Variants in PACSIN2 observed in about 807,000 individuals in gnomAD.
PACSIN2 encodes protein kinase C and casein kinase substrate in neurons protein 2.
A neutral mutation model predicts 63.8 loss-of-function variants in PACSIN2; 25 were observed. The observed-to-expected ratio is 0.39, with a 90% confidence interval of 0.29 to 0.55. PACSIN2 has a LOEUF of 0.55. Ranked by LOEUF, PACSIN2 falls within the 20% of genes least tolerant of loss-of-function variation. The pLI is 0.62. For missense variants in PACSIN2, 518 were observed against 646.9 expected, an observed-to-expected ratio of 0.80 and a Z score of 2.16; for synonymous variants, 255 against 256.2, an observed-to-expected ratio of 1.00 and a Z score of 0.05.
At chr22:42,908,031 A>G (rs1463167068) in intron 2 of PACSIN2, among the ~76,000 whole-genome samples, 1 of 150,040 alleles carries the variant, frequency 6.7e-6, no homozygotes, top group Non-Finnish European at 1.5e-5. Context: ...CCAACTCTTC[A>G]GGGCTAACAT....
chr22:42,914,526 T>C (rs1931682908), intron 1 of PACSIN2, among the ~76,000 whole-genome samples: 1 of 152,180 alleles, frequency 6.6e-6, no homozygotes, highest in African/African-American at 2.4e-5. Context: ...TGAGCCTTTT[T>C]TCTATGGAAT....
intron 1 of PACSIN2, among the ~76,000 whole-genome samples, chr22:42,949,633 CTT>C (rs1933590590): frequency 6.6e-6 from 1 of 151,830 alleles, no homozygotes; most frequent in Non-Finnish European, 1.5e-5. Context: ...TGGTTACTCT[CTT>C]GACTTCATTA....
At chr22:42,983,379 A>G (rs570280745) in intron 1 of PACSIN2, among the ~76,000 whole-genome samples, 30 of 149,600 alleles carry the variant, frequency 2.0e-4, no homozygotes, top group African/African-American at 7.4e-4. Context: ...AATCCCAGCT[A>G]CTTGGGAGGC....
intron 1 of PACSIN2, among the ~76,000 whole-genome samples, chr22:42,971,145 G>A (rs1386759557): frequency 6.6e-6 from 1 of 152,222 alleles, no homozygotes; most frequent in Non-Finnish European, 1.5e-5. Flanking sequence ...AGCCAAAGCT[G>A]GACTGTACTG....
chr22:42,955,038 C>T (rs1156342535), intron 1 of PACSIN2, among the ~76,000 whole-genome samples: 1 of 152,150 alleles, frequency 6.6e-6, no homozygotes, highest in Non-Finnish European at 1.5e-5. Flanking sequence ...TGACAAACCA[C>T]TCCCTCTAAA....
At chr22:42,924,524 G>A (rs943951095) in intron 1 of PACSIN2, among the ~76,000 whole-genome samples, 2 of 152,240 alleles carry the variant, frequency 1.3e-5, no homozygotes. Flanking sequence ...CCCATGCAGA[G>A]TAAAAGCCCA....
intron 1 of PACSIN2, among the ~76,000 whole-genome samples, chr22:42,938,728 C>T (rs905095970): frequency 2.0e-5 from 3 of 152,214 alleles, no homozygotes; most frequent in African/African-American, 4.8e-5. Flanking sequence ...TCCCACTCCA[C>T]CTGGAGCTCC....
At chr22:42,951,432 CT>C (rs1933687173) in intron 1 of PACSIN2, among the ~76,000 whole-genome samples, 1 of 152,182 alleles carries the variant, frequency 6.6e-6, no homozygotes, top group African/African-American at 2.4e-5. Context: ...CATCCACGTG[CT>C]GATGCCTCCT....
Position 42,966,369 on chromosome 22 carries a change from A to AG in PACSIN2, c.-78+48651_-78+48652insC, listed in dbSNP as rs59840214. Among the ~76,000 whole-genome samples the AG allele has an allele frequency of 7.2e-4, 109 of 152,238 alleles. 1 individual carries two copies. Among genetic ancestry groups the AG allele is most frequent in the African/African-American group, 2.5e-3 (104 of 41,540 alleles). Reference sequence around the variant, plus strand: ...ACAGAGTGAGACTGCATCTAAAAAAAAAAAAAAGCCACTTGTCTTTACTCA... The same window carrying AG: ...ACAGAGTGAGACTGCATCTAAAAAAAGAAAAAAAGCCACTTGTCTTTACTCA... On this transcript the variant is annotated intron_variant, in intron 1 of 10. Transcript: ENST00000263246.
At chr22:43,000,124 T>C (rs1391816892) in intron 1 of PACSIN2, among the ~76,000 whole-genome samples, 1 of 152,192 alleles carries the variant, frequency 6.6e-6, no homozygotes, top group African/African-American at 2.4e-5. Flanking sequence ...TGCAGGCACT[T>C]GTAGCCCCAA....
intron 1 of PACSIN2, chr22:42,945,963 C>T (rs1443234356): frequency 6.5e-6 from 1 of 152,918 alleles, no homozygotes; most frequent in Non-Finnish European, 1.5e-5. Context: ...CCTCCAGCCT[C>T]ACCACTCACA....
chr22:42,890,900 G>A lies in PACSIN2; in HGVS notation c.453+47C>T, dbSNP rs757667627. On this transcript the variant is annotated intron_variant, in intron 4 of 10. Transcript: ENST00000263246. ...CAGGAGGTGGTGCTGCTAGTGGGGTGCCAGGCAGAGCAAGGCCGGGCAGGG... is the reference window on the plus strand; with the variant it reads ...CAGGAGGTGGTGCTGCTAGTGGGGTACCAGGCAGAGCAAGGCCGGGCAGGG... The A allele has an allele frequency of 2.3e-5, 35 of 1,504,670 alleles. No individual in the cohort carries two copies. The Middle Eastern group carries it at 3.7e-3, about 161-fold the overall frequency. 93.2% of individuals were successfully genotyped at this position (1,504,670 alleles called of 1,614,324 possible).
At chr22:42,959,864 C>A (rs1401045256) in intron 1 of PACSIN2, 1 of 152,294 alleles carries the variant, frequency 6.6e-6, no homozygotes, top group African/African-American at 2.4e-5. Context: ...TCCAACCCTG[C>A]TGGCATGTCT....
At chr22:42,875,656 C>T (rs1928559383) in intron 10 of PACSIN2, among the ~76,000 whole-genome samples, 1 of 152,114 alleles carries the variant, frequency 6.6e-6, no homozygotes, top group Non-Finnish European at 1.5e-5. Flanking sequence ...CTGCCGCAGC[C>T]TCCTGAGTAA....
chr22:42,933,702 G>A (rs909072808), intron 1 of PACSIN2, among the ~76,000 whole-genome samples: 1 of 152,186 alleles, frequency 6.6e-6, no homozygotes, highest in African/African-American at 2.4e-5. Context: ...ACCCTGCACC[G>A]TCCTTCACAG....
At chr22:43,000,060 G>A (rs189809957) in intron 1 of PACSIN2, among the ~76,000 whole-genome samples, 24 of 152,324 alleles carry the variant, frequency 1.6e-4, no homozygotes, top group Non-Finnish European at 2.6e-4. Context: ...TCTCAGAGCT[G>A]GGATTCAAGC....
chr22:42,960,118 CT>C (rs1326877591), intron 1 of PACSIN2, among the ~76,000 whole-genome samples: 1 of 152,172 alleles, frequency 6.6e-6, no homozygotes, highest in African/African-American at 2.4e-5. Context: ...ATACTACCCC[CT>C]CCCCAACACA....
intron 1 of PACSIN2, among the ~76,000 whole-genome samples, chr22:42,932,720 A>G (rs1279610668): frequency 6.6e-6 from 1 of 152,064 alleles, no homozygotes; most frequent in African/African-American, 2.4e-5. Context: ...AGAGCAAAAC[A>G]ATTTTTTGAT....
At chr22:42,971,388 T>C (rs964484218) in intron 1 of PACSIN2, among the ~76,000 whole-genome samples, 2 of 152,170 alleles carry the variant, frequency 1.3e-5, no homozygotes, top group Non-Finnish European at 2.9e-5. Context: ...CACTCAGTGC[T>C]CTATGTTGCC....
Sources: allele counts gnomAD v4.1 joint callset (sites outside exome capture counted in the v4.1 genomes callset), GRCh38; gene constraint gnomAD v4.1.1; transcripts MANE v1.5; gene names NCBI Gene and HGNC (gene_info 2026-07-23, HGNC 2026-07-21).